Variants in GLIS3 observed in about 807,000 individuals in gnomAD.
GLIS3 encodes GLIS family zinc finger 3.
In GLIS3, 53 loss-of-function variants were observed where a neutral mutation model predicts 78.6. The ratio of observed to expected loss-of-function variants is 0.67; its 90% confidence interval spans 0.54 to 0.85. The LOEUF (loss-of-function observed/expected upper bound fraction) is 0.85. GLIS3 is among the 40% of genes least tolerant of loss of function. The pLI is 0.00. For synonymous variants in GLIS3, 684 were observed against 509.9 expected, an observed-to-expected ratio of 1.34 and a Z score of -4.60; for missense variants, 1,703 against 1,231.1, an observed-to-expected ratio of 1.38 and a Z score of -5.74.
intron 2 of GLIS3, among the ~76,000 whole-genome samples, chr9:4,245,712 T>C (rs1823747598): frequency 6.6e-6 from 1 of 152,218 alleles, no homozygotes; most frequent in Admixed American, 6.5e-5. Context: ...TATCCTGATT[T>C]GATCATTACA....
intron 6 of GLIS3, among the ~76,000 whole-genome samples, chr9:3,926,317 A>C (rs1383128144): frequency 7.0e-6 from 1 of 142,088 alleles, no homozygotes; most frequent in African/African-American, 2.6e-5. Context: ...TGCAAGCTCC[A>C]CCTCCTGGGG....
At chr9:4,259,475 T>G (rs10124287) in intron 2 of GLIS3, among the ~76,000 whole-genome samples, 50 of 152,152 alleles carry the variant, frequency 3.3e-4, no homozygotes, top group African/African-American at 1.1e-3. Context: ...GTGGGGGAAC[T>G]AAGATGGGAG....
chr9:4,410,684 G>C, the GLIS3 span, among the ~76,000 whole-genome samples: 6 of 152,268 alleles, frequency 3.9e-5, no homozygotes, highest in African/African-American at 9.6e-5. Context: ...CACTGTTTTA[G>C]TGATCAGGGG....
intron 2 of GLIS3, among the ~76,000 whole-genome samples, chr9:4,200,375 T>C (rs1819263815): frequency 6.6e-6 from 1 of 152,058 alleles, no homozygotes; most frequent in African/African-American, 2.4e-5. Flanking sequence ...AAGTTGTTTT[T>C]TGAGAGAATA....
chr9:4,197,938 G>A (rs573838220), intron 2 of GLIS3, among the ~76,000 whole-genome samples: 160 of 138,822 alleles, frequency 1.2e-3, no homozygotes, highest in Non-Finnish European at 2.0e-3. Context: ...GGGAAAGGGA[G>A]AGGGAAAGAG....
At chr9:4,370,545 C>A in the GLIS3 span, among the ~76,000 whole-genome samples, 1 of 152,242 alleles carries the variant, frequency 6.6e-6, no homozygotes, top group African/African-American at 2.4e-5. Context: ...TGATCACACC[C>A]TCTTTTTCTC....
At chr9:4,193,096 G>A (rs770199569) in intron 2 of GLIS3, among the ~76,000 whole-genome samples, 1 of 152,296 alleles carries the variant, frequency 6.6e-6, no homozygotes, top group African/African-American at 2.4e-5. Context: ...TTAAGCATTC[G>A]AATGAAATGT....
chr9:4,222,472 T>C (rs1274911322), intron 2 of GLIS3, among the ~76,000 whole-genome samples: 2 of 152,234 alleles, frequency 1.3e-5, no homozygotes, highest in African/African-American at 2.4e-5. Context: ...TGTGTTTACC[T>C]GACCCTTTCT....
At chr9:4,232,924 G>GA (rs1822401791) in intron 2 of GLIS3, among the ~76,000 whole-genome samples, 1 of 152,166 alleles carries the variant, frequency 6.6e-6, no homozygotes, top group Non-Finnish European at 1.5e-5. Flanking sequence ...TCCAGTGGTA[G>GA]AATCAGTGTA....
At chr9:4,156,955 A>T (rs1373050258) in intron 2 of GLIS3, among the ~76,000 whole-genome samples, 1 of 152,200 alleles carries the variant, frequency 6.6e-6, no homozygotes, top group Non-Finnish European at 1.5e-5. Flanking sequence ...TATCTACCGA[A>T]TCAGAAACCT....
chr9:3,953,254 T>A (rs1032905855), intron 4 of GLIS3, among the ~76,000 whole-genome samples: 2 of 152,244 alleles, frequency 1.3e-5, no homozygotes, highest in African/African-American at 4.8e-5. Context: ...TGATAGAATC[T>A]TTTGAGAATA....
chr9:4,235,354 G>A (rs1448900039), intron 2 of GLIS3, among the ~76,000 whole-genome samples: 1 of 151,714 alleles, frequency 6.6e-6, no homozygotes, highest in African/African-American at 2.4e-5. Flanking sequence ...AAGTTGGGGA[G>A]GGTCTCCTGA....
chr9:4,469,803 G>C, the GLIS3 span, among the ~76,000 whole-genome samples: 16,780 of 152,048 alleles, frequency 0.11, 1,027 homozygotes, highest in Admixed American at 0.16. Flanking sequence ...AATTGAAGGA[G>C]ATAGAGACAC....
intron 4 of GLIS3, among the ~76,000 whole-genome samples, chr9:3,999,121 A>C (rs1820951339): frequency 6.6e-6 from 1 of 152,132 alleles, no homozygotes; most frequent in Non-Finnish European, 1.5e-5. Context: ...TATTCCTCAT[A>C]ATTTTACAGC....
chr9:3,892,961 T>TTTTA (rs1280301344), intron 7 of GLIS3, among the ~76,000 whole-genome samples: 4 of 152,128 alleles, frequency 2.6e-5, no homozygotes, highest in African/African-American at 9.7e-5. Context: ...CACATCTAAC[T>TTTTA]TTTATTTTAA....
At chr9:4,010,331 A>T (rs1821899706) in intron 4 of GLIS3, among the ~76,000 whole-genome samples, 1 of 152,186 alleles carries the variant, frequency 6.6e-6, no homozygotes, top group African/African-American at 2.4e-5. Flanking sequence ...GGAAGATGAT[A>T]ACATCAATCA....
At chr9:3,991,702 T>G (rs2129778394) in intron 4 of GLIS3, among the ~76,000 whole-genome samples, 1 of 137,994 alleles carries the variant, frequency 7.2e-6, no homozygotes, top group East Asian at 2.1e-4. Context: ...TTTTTTTTTT[T>G]TTTTTTGAGA....
At chr9:3,988,648 G>C (rs1260416263) in intron 4 of GLIS3, among the ~76,000 whole-genome samples, 1 of 152,094 alleles carries the variant, frequency 6.6e-6, no homozygotes, top group Non-Finnish European at 1.5e-5. Flanking sequence ...AATCAACTCA[G>C]TGAAGGAAGA....
At chr9:4,208,010 C>T (rs77558678) in intron 2 of GLIS3, among the ~76,000 whole-genome samples, 5 of 152,292 alleles carry the variant, frequency 3.3e-5, no homozygotes, top group African/African-American at 1.2e-4. Context: ...GTGTGTGTGA[C>T]TCAATAACCA....
Sources: allele counts gnomAD v4.1 joint callset (sites outside exome capture counted in the v4.1 genomes callset), GRCh38; gene constraint gnomAD v4.1.1; transcripts MANE v1.5; gene names NCBI Gene and HGNC (gene_info 2026-07-23, HGNC 2026-07-21).